Variants in FRAS1 observed in about 807,000 individuals in gnomAD.
FRAS1 encodes Fraser extracellular matrix complex subunit 1.
Under a neutral mutation model 435.2 loss-of-function variants are expected in FRAS1, and 290 were observed. The ratio of observed to expected loss-of-function variants is 0.67; its 90% confidence interval spans 0.61 to 0.73. The LOEUF is 0.73. Among genes scored for constraint, FRAS1 ranks in the 30% least tolerant of loss-of-function variants. FRAS1 has a pLI of 0.00. For synonymous variants in FRAS1, 1,800 were observed against 1,851.0 expected, an observed-to-expected ratio of 0.97 and a Z score of 0.71; for missense variants, 4,860 against 5,001.5, an observed-to-expected ratio of 0.97 and a Z score of 0.85.
chr4:78,370,047 G>A (rs1272557011), intron 23 of FRAS1, 63 bp downstream of exon 23: 7 of 1,506,460 alleles, frequency 4.6e-6, no homozygotes, highest in Non-Finnish European at 5.4e-6. Flanking sequence ...TACTACTGAT[G>A]TCTAGTTTTC....
chr4:78,523,217 G>A (rs912777606), intron 69 of FRAS1, among the ~76,000 whole-genome samples: 3 of 152,148 alleles, frequency 2.0e-5, no homozygotes, highest in African/African-American at 7.2e-5. Context: ...AGACCAGAAG[G>A]GGCACACATC....
intron 29 of FRAS1, among the ~76,000 whole-genome samples, chr4:78,399,557 C>T (rs906800403): frequency 6.6e-6 from 1 of 152,122 alleles, no homozygotes; most frequent in Non-Finnish European, 1.5e-5. Context: ...GGAATGGCAG[C>T]ACTTTTAATG....
At chr4:78,086,708 C>T (rs2109887721) in intron 2 of FRAS1, among the ~76,000 whole-genome samples, 1 of 152,258 alleles carries the variant, frequency 6.6e-6, no homozygotes, top group Admixed American at 6.5e-5. Flanking sequence ...CACATACACC[C>T]TCCCAAGACC....
chr4:78,289,149 G>A (rs1321644467), intron 14 of FRAS1, among the ~76,000 whole-genome samples: 1 of 152,126 alleles, frequency 6.6e-6, no homozygotes, highest in Non-Finnish European at 1.5e-5. Flanking sequence ...GTTAAACATG[G>A]CTCTTCAACA....
At chr4:78,527,074 T>G (rs1191487954) in intron 70 of FRAS1, among the ~76,000 whole-genome samples, 3 of 152,168 alleles carry the variant, frequency 2.0e-5, no homozygotes, top group Non-Finnish European at 4.4e-5. Context: ...ACAATATGTA[T>G]TAAATAAGGG....
rs948860016 is a variant in FRAS1 at position 78,413,043 on chromosome 4, T to G, written c.4383T>G (p.Pro1461=). 1.2e-5 allele frequency: 20 copies of G among 1,611,680 alleles called. No individual in the cohort carries two copies. Among genetic ancestry groups the G allele is most frequent in the South Asian group, 3.3e-5 (3 of 90,492 alleles). Residue 1461 remains proline, a synonymous_variant, in exon 32 of 74, where the codon CCT becomes CCG. Transcript: ENST00000512123. Reference sequence around the variant, plus strand: ...ACATCGCGATCTTACCACAGACACCTGAAGCACCTAAAGTGTCTCTGGAAG... The same window carrying G: ...ACATCGCGATCTTACCACAGACACCGGAAGCACCTAAAGTGTCTCTGGAAG... ...MFNIAILPQT[P]EAPKVSLEAS... is the part of the protein sequence containing the mutation.
intron 53 of FRAS1, 66 bp downstream of exon 53, chr4:78,473,663 A>T (rs1031028550): frequency 6.7e-6 from 9 of 1,334,934 alleles, no homozygotes; most frequent in Non-Finnish European, 8.3e-6. Flanking sequence ...GTCAGGATGA[A>T]GGATGCTGGG....
chr4:78,333,944 T>C (rs557359739), intron 19 of FRAS1, among the ~76,000 whole-genome samples: 3 of 152,062 alleles, frequency 2.0e-5, no homozygotes, highest in African/African-American at 2.4e-5. Context: ...GCTGAAACCA[T>C]ACATATGTGC....
At chr4:78,441,577 A>T (rs533053097) in intron 41 of FRAS1, among the ~76,000 whole-genome samples, 1 of 152,170 alleles carries the variant, frequency 6.6e-6, no homozygotes, top group African/African-American at 2.4e-5. Context: ...TGAGAGACAA[A>T]TTAAAAACCT....
At chr4:78,460,447 T>C (rs1719336675) in intron 47 of FRAS1, among the ~76,000 whole-genome samples, 1 of 152,240 alleles carries the variant, frequency 6.6e-6, no homozygotes, top group Non-Finnish European at 1.5e-5. Context: ...CAATATGTTA[T>C]TAGAAACACC....
At chr4:78,182,146 T>G (rs1480898006) in intron 2 of FRAS1, 1 of 814,806 alleles carries the variant, frequency 1.2e-6, no homozygotes. Flanking sequence ...CGGGCCAAGA[T>G]GGAAGCAGGT....
At chr4:78,114,260 C>G (rs919614516) in intron 2 of FRAS1, among the ~76,000 whole-genome samples, 2 of 151,966 alleles carry the variant, frequency 1.3e-5, no homozygotes, top group Non-Finnish European at 2.9e-5. Flanking sequence ...AGTCAGGTAG[C>G]GTGATGCCTC....
chr4:78,508,715 T>C lies in FRAS1; in HGVS notation c.9505-16T>C. On this transcript the variant is annotated splice_polypyrimidine_tract_variant and intron_variant, in intron 62 of 73. Transcript: ENST00000512123. ...CAATACCCAACCTGAACTGAAGCTT[T>C]GTTGCTCTTTCGCAGGTGGTCACAC... The C allele has an allele frequency of 6.2e-7, 1 of 1,613,424 alleles. No homozygotes were observed. The highest frequency in any genetic ancestry group is 8.5e-7 in the Non-Finnish European group (1 of 1,179,650).
At chr4:78,406,798 T>C (rs1348307493) in intron 30 of FRAS1, among the ~76,000 whole-genome samples, 2 of 152,150 alleles carry the variant, frequency 1.3e-5, no homozygotes, top group Non-Finnish European at 2.9e-5. Flanking sequence ...AATCACCACA[T>C]AGGGTATAGT....
At chr4:78,228,339 C>A (rs1351025116) in intron 2 of FRAS1, among the ~76,000 whole-genome samples, 1 of 152,134 alleles carries the variant, frequency 6.6e-6, no homozygotes, top group Non-Finnish European at 1.5e-5. Context: ...AATGGAATTT[C>A]TGTGGTTAAC....
Position 78,281,583 on chromosome 4 carries a change from A to C in FRAS1, c.1107+150A>C, listed in dbSNP as rs1406725280. ...TGATCAGGAATTAAGAATCTTAATG[A>C]TAACTCAGACTTTGATGCATTGAAC... On this transcript the variant is annotated intron_variant, in intron 11 of 73. Transcript: ENST00000512123. The C allele has an allele frequency of 9.3e-6, 5 of 536,400 alleles. No individual in the cohort carries two copies. In the Admixed American group the frequency reaches 1.7e-4, roughly 18 times the overall value. 33.2% of individuals were successfully genotyped at this position (536,400 alleles called of 1,614,324 possible). A position where few individuals can be genotyped will look rare whatever the true frequency, so the allele number is the denominator to read the frequency against.
chr4:78,463,673 A>G (rs1719437855), intron 47 of FRAS1, among the ~76,000 whole-genome samples: 1 of 152,242 alleles, frequency 6.6e-6, no homozygotes, highest in South Asian at 2.1e-4. Context: ...GGGGGAACAC[A>G]AAACTGAACA....
At chr4:78,146,384 C>G (rs2110005448) in intron 2 of FRAS1, among the ~76,000 whole-genome samples, 1 of 152,184 alleles carries the variant, frequency 6.6e-6, no homozygotes, top group African/African-American at 2.4e-5. Flanking sequence ...TGGCATAGTC[C>G]TTGTATAAAC....
intron 2 of FRAS1, among the ~76,000 whole-genome samples, chr4:78,085,063 TA>T (rs1464919150): frequency 6.6e-6 from 1 of 152,138 alleles, no homozygotes; most frequent in Non-Finnish European, 1.5e-5. Context: ...TCTATTAATA[TA>T]ATTACTAAAT....
Sources: allele counts gnomAD v4.1 joint callset (sites outside exome capture counted in the v4.1 genomes callset), GRCh38; gene constraint gnomAD v4.1.1; transcripts MANE v1.5; gene names NCBI Gene and HGNC (gene_info 2026-07-23, HGNC 2026-07-21).